STK4: variants seen among roughly 807,000 people sequenced by gnomAD.
STK4 encodes the protein serine/threonine kinase 4.
STK4 carries 30 observed loss-of-function variants against 64.9 expected under a neutral mutation model. That is an observed-to-expected ratio of 0.46 (90% CI 0.35 to 0.63). The LOEUF (loss-of-function observed/expected upper bound fraction) is 0.63. Ranked by LOEUF, STK4 falls within the 20% of genes least tolerant of loss-of-function variation. The probability of loss-of-function intolerance (pLI) is 0.01; values close to 1 mark genes in which losing one functional copy is unlikely to be tolerated. For synonymous variants in STK4, 177 were observed against 199.0 expected, an observed-to-expected ratio of 0.89 and a Z score of 0.93; for missense variants, 466 against 598.5, an observed-to-expected ratio of 0.78 and a Z score of 2.31.
intron 5 of STK4, among the ~76,000 whole-genome samples, chr20:44,991,929 G>A (rs778019794): frequency 2.6e-5 from 4 of 152,170 alleles, no homozygotes; most frequent in Admixed American, 2.6e-4. Flanking sequence ...GTGCCAAAGT[G>A]CTGGGATTAC....
intron 9 of STK4, among the ~76,000 whole-genome samples, chr20:45,014,561 A>G (rs766913217): frequency 1.7e-4 from 26 of 152,172 alleles, no homozygotes; most frequent in Admixed American, 9.8e-4. Context: ...TTTAGTGGCA[A>G]AGATAACAAA....
At chr20:44,997,782 T>A (rs538102010) in intron 7 of STK4, among the ~76,000 whole-genome samples, 2 of 152,192 alleles carry the variant, frequency 1.3e-5, no homozygotes, top group Non-Finnish European at 2.9e-5. Flanking sequence ...GTTAAATCAT[T>A]GAACAAGACA....
chr20:45,066,756 A>G (rs949879552), intron 10 of STK4, among the ~76,000 whole-genome samples: 2 of 152,236 alleles, frequency 1.3e-5, no homozygotes, highest in Admixed American at 1.3e-4. Context: ...TTATTGGAGA[A>G]GAATTAGGAA....
intron 9 of STK4, among the ~76,000 whole-genome samples, chr20:45,018,296 C>T (rs917436382): frequency 1.3e-5 from 2 of 152,026 alleles, no homozygotes; most frequent in African/African-American, 4.8e-5. Context: ...CTCTGGTTTG[C>T]ACAGAATTAA....
chr20:44,971,871 C>T (rs1196651389), intron 1 of STK4, among the ~76,000 whole-genome samples: 1 of 151,838 alleles, frequency 6.6e-6, no homozygotes, highest in Non-Finnish European at 1.5e-5. Context: ...CGGGGTTTCA[C>T]CATGTTAGCC....
intron 1 of STK4, among the ~76,000 whole-genome samples, chr20:44,966,985 C>T (rs1229691517): frequency 1.3e-5 from 2 of 151,810 alleles, no homozygotes; most frequent in African/African-American, 4.8e-5. Context: ...GGGGGTGGAT[C>T]GAGAACTGGC....
At chr20:45,026,315 AAG>A (rs1461560771) in intron 10 of STK4, among the ~76,000 whole-genome samples, 1 of 102,862 alleles carries the variant, frequency 9.7e-6, no homozygotes, top group East Asian at 2.1e-4. Context: ...AGGAGACAGA[AAG>A]AGTGTGTGTG....
chr20:45,051,922 T>C (rs563340361), intron 10 of STK4, among the ~76,000 whole-genome samples: 1 of 152,308 alleles, frequency 6.6e-6, no homozygotes, highest in African/African-American at 2.4e-5. Flanking sequence ...CTGTCAAACA[T>C]GGTAAAGTCA....
At chr20:45,000,056 G>A (rs1174796643) in intron 7 of STK4, among the ~76,000 whole-genome samples, 1 of 152,194 alleles carries the variant, frequency 6.6e-6, no homozygotes, top group Non-Finnish European at 1.5e-5. Context: ...CATGCCATTT[G>A]TGCTCACCAA....
At chr20:45,001,471 G>A (rs2067840677) in intron 9 of STK4, 118 bp downstream of exon 9, 3 of 1,271,432 alleles carry the variant, frequency 2.4e-6, no homozygotes, top group Non-Finnish European at 3.1e-6. Context: ...CACAACCAAA[G>A]GAGTAGAAAA....
intron 1 of STK4, 130 bp downstream of exon 1, chr20:44,966,733 GA>G: frequency 9.3e-7 from 1 of 1,070,848 alleles, no homozygotes; most frequent in Non-Finnish European, 1.2e-6. Flanking sequence ...CCTGCTGAGT[GA>G]GGGGGGGGAC....
At position 45,075,205 on chromosome 20, in the gene STK4, C is replaced by G; in HGVS notation, c.*29C>G. 1.2e-6 allele frequency: 2 copies of G among 1,609,232 alleles called. No homozygotes were observed. Among genetic ancestry groups the G allele is most frequent in the Non-Finnish European group, 1.7e-6 (2 of 1,178,802 alleles). On this transcript the variant is annotated 3_prime_UTR_variant, in exon 11 of 11. Transcript: ENST00000372806. ...AGGCCAGGCTGTGAGGGCCCCAGCTCCACCCAGGCTTTGGGTGAATTCTGG... is the reference window on the plus strand; with the variant it reads ...AGGCCAGGCTGTGAGGGCCCCAGCTGCACCCAGGCTTTGGGTGAATTCTGG...
rs1420926306 is a variant in STK4 at position 45,020,137 on chromosome 20, A to C, written c.1148-4836A>C. ...TTGGTTACTAGCTTAGAAATCTGCA[A>C]ATTTCTCACTTGTAAAAGGGGCATA... On this transcript the variant is annotated intron_variant, in intron 9 of 10. Coordinates refer to ENST00000372806, the MANE Select transcript of STK4 (RefSeq NM_006282.5). 2.6e-5 allele frequency among the ~76,000 whole-genome samples: 4 copies of C among 152,196 alleles called. No individual in the cohort carries two copies. The East Asian group carries it at 7.7e-4, about 29-fold the overall frequency.
At chr20:45,019,762 A>C (rs1054921587) in intron 9 of STK4, among the ~76,000 whole-genome samples, 1 of 152,056 alleles carries the variant, frequency 6.6e-6, no homozygotes, top group African/African-American at 2.4e-5. Flanking sequence ...ATTTCTTGGG[A>C]TACATCTGAA....
At position 45,079,245 on chromosome 20, in the gene STK4, T is replaced by C. The variant is rs1381806998; in HGVS notation, c.*4069T>C. 1 of 152,114 alleles carries C rather than the reference T, an allele frequency of 6.6e-6. No individual in the cohort carries two copies. Among genetic ancestry groups the C allele is most frequent in the African/African-American group, 2.4e-5 (1 of 41,414 alleles). The allele number at this position is 152,114 out of a possible 1,614,324, so 9.4% of individuals were successfully genotyped here. A position where few individuals can be genotyped will look rare whatever the true frequency, so the allele number is the denominator to read the frequency against. ...AAAAAGAAGAAGTAGATAATCTGAA[T>C]AGCCCTATATCTATAGAAACTTAAT... On this transcript the variant is annotated 3_prime_UTR_variant, in exon 11 of 11. Coordinates refer to ENST00000372806, the MANE Select transcript of STK4 (RefSeq NM_006282.5).
rs1555813605 is a variant in STK4 at position 45,011,730 on chromosome 20, T to TATATATATATATATA, written c.1147+10377_1147+10378insATATATATATATATA. 2.5e-3 allele frequency among the ~76,000 whole-genome samples: 207 copies of TATATATATATATATA among 83,502 alleles called. 1 individual carries two copies. The highest frequency in any genetic ancestry group is 8.5e-3 in the Middle Eastern group (1 of 118). The allele number at this position is 83,502 out of a possible 152,430, so 54.8% of individuals were successfully genotyped here. A position where few individuals can be genotyped will look rare whatever the true frequency, so the allele number is the denominator to read the frequency against. On this transcript the variant is annotated intron_variant, in intron 9 of 10. Transcript: ENST00000372806. ...ATACATATATATATATATATATATA[T>TATATATATATATATA]TTTTTTTTTTTTTTTTAAGTCAAGT...
chr20:45,072,754 C>A (rs956670881), intron 10 of STK4, among the ~76,000 whole-genome samples: 3 of 152,178 alleles, frequency 2.0e-5, no homozygotes, highest in African/African-American at 7.2e-5. Context: ...ATGTTTGATT[C>A]TAGCTTGAAT....
At chr20:45,053,893 T>G (rs1243476928) in intron 10 of STK4, among the ~76,000 whole-genome samples, 2 of 151,020 alleles carry the variant, frequency 1.3e-5, no homozygotes, top group Non-Finnish European at 2.9e-5. Flanking sequence ...AAGATAGTAG[T>G]TTTTTTTTGT....
intron 10 of STK4, among the ~76,000 whole-genome samples, chr20:45,068,694 G>T (rs1326334507): frequency 6.6e-6 from 1 of 151,996 alleles, no homozygotes; most frequent in Non-Finnish European, 1.5e-5. Context: ...CTAATTCCTT[G>T]TTGTATCACT....
Sources: gnomAD v4.1 joint callset for allele counts (sites outside exome capture counted in the v4.1 genomes callset) on GRCh38, gnomAD v4.1.1 for gene constraint, MANE v1.5 for transcripts, NCBI Gene and HGNC (gene_info 2026-07-23, HGNC 2026-07-21) for gene names.